SYNE1: variants seen among roughly 807,000 people sequenced by gnomAD.
The protein encoded by SYNE1 is spectrin repeat containing nuclear envelope protein 1, also known as nesprin-1.
A neutral mutation model predicts 1,111.0 loss-of-function variants in SYNE1; 616 were observed. That is an observed-to-expected ratio of 0.55 (90% CI 0.52 to 0.59). SYNE1 has a LOEUF of 0.59. SYNE1 is among the 20% of genes least tolerant of loss of function. SYNE1 has a pLI of 0.00. For missense variants in SYNE1, 10,006 were observed against 10,417.0 expected (o/e 0.96, Z 1.72); for synonymous variants, 3,855 against 3,825.8 (o/e 1.01, Z -0.28).
chr6:152,151,056 A>T (rs186605274), intron 135 of SYNE1, among the ~76,000 whole-genome samples: 13 of 152,132 alleles, frequency 8.5e-5, no homozygotes, highest in Admixed American at 7.9e-4. Context: ...TACTAAAAAA[A>T]TACAAAAATA....
At chr6:152,549,654 C>T (rs183186126) in intron 3 of SYNE1, among the ~76,000 whole-genome samples, 7 of 151,996 alleles carry the variant, frequency 4.6e-5, no homozygotes, top group Non-Finnish European at 1.0e-4. Flanking sequence ...AAGGGACAGA[C>T]GAGAAGAGAG....
rs767244179 is a variant in SYNE1 at position 152,206,182 on chromosome 6, C to G, written c.23005G>C (p.Ala7669Pro). ...ACTGAACTTACTTTCAACAAGAAGG[C>G]TAGTTTTTTCTTCTGTTCTTCCAGC... ...MRLEEQKKKL[A>P]FLLKDWEKCE... The change falls in exon 126 of 146, where the codon GCC becomes CCC. Residue 7669 changes from alanine to proline, a missense_variant. By Grantham distance (27) the Ala-to-Pro change is conservative (BLOSUM62 -1). Transcript: ENST00000367255. 6.2e-7 allele frequency: 1 copy of G among 1,613,436 alleles called. No homozygotes were observed. The highest frequency in any genetic ancestry group is 1.1e-5 in the South Asian group (1 of 91,036).
At chr6:152,553,046 T>A (rs571053578) in intron 3 of SYNE1, among the ~76,000 whole-genome samples, 1 of 152,232 alleles carries the variant, frequency 6.6e-6, no homozygotes, top group Non-Finnish European at 1.5e-5. Context: ...TTAGAATGTA[T>A]GTGGCAGGCA....
chr6:152,218,956 T>C (rs2079411463), intron 120 of SYNE1, 47 bp downstream of exon 120: 1 of 1,579,950 alleles, frequency 6.3e-7, no homozygotes, highest in Non-Finnish European at 8.7e-7. Context: ...TGCCCAGATA[T>C]TAGAGAACAG....
At position 152,628,340 on chromosome 6, in the gene SYNE1, C is replaced by A. The variant is rs779666608; in HGVS notation, c.-9G>T. 28 of 1,613,986 alleles carry A rather than the reference C, an allele frequency of 1.7e-5. No homozygotes were observed. The highest frequency in any genetic ancestry group is 1.6e-4 in the Middle Eastern group (1 of 6,084). On this transcript the variant is annotated 5_prime_UTR_variant, in exon 3 of 146. Coordinates refer to ENST00000367255, the MANE Select transcript of SYNE1 (RefSeq NM_182961.4). ...CCTCTGGAGGTTGCCATGGTCCCTC[C>A]GGAAGCACGAAGCCAACACCAAGAG...
At chr6:152,581,641 C>T (rs1369045499) in intron 3 of SYNE1, among the ~76,000 whole-genome samples, 4 of 152,186 alleles carry the variant, frequency 2.6e-5, no homozygotes, top group African/African-American at 7.2e-5. Flanking sequence ...CCTCCCTTTC[C>T]AGTTTTAGTG....
At chr6:152,122,936 C>G (rs920182168) in intron 145 of SYNE1, among the ~76,000 whole-genome samples, 1 of 152,202 alleles carries the variant, frequency 6.6e-6, no homozygotes, top group Non-Finnish European at 1.5e-5. Flanking sequence ...TCCTTTTACC[C>G]CTTAATGTGG....
At chr6:152,523,430 A>G (rs1311199395) in intron 5 of SYNE1, among the ~76,000 whole-genome samples, 1 of 152,146 alleles carries the variant, frequency 6.6e-6, no homozygotes, top group Non-Finnish European at 1.5e-5. Flanking sequence ...CTTTTATACC[A>G]GTATCATGCT....
At chr6:152,436,791 G>A (rs1247204576) in intron 32 of SYNE1, among the ~76,000 whole-genome samples, 3 of 152,056 alleles carry the variant, frequency 2.0e-5, no homozygotes, top group African/African-American at 7.2e-5. Flanking sequence ...AATAGTGATT[G>A]ATCATAGACA....
At chr6:152,444,312 C>T (rs2098557207) in intron 30 of SYNE1, 99 bp downstream of exon 30, 2 of 1,369,702 alleles carry the variant, frequency 1.5e-6, no homozygotes, top group Admixed American at 1.7e-5. Flanking sequence ...GCCCCCTCAC[C>T]CACTCTCTCA....
intron 76 of SYNE1, among the ~76,000 whole-genome samples, 167 bp from the exon 77 acceptor site, chr6:152,334,440 A>G (rs1183512763): frequency 6.6e-6 from 1 of 152,214 alleles, no homozygotes; most frequent in Non-Finnish European, 1.5e-5. Flanking sequence ...TCTAAAAATC[A>G]CCATACCTCT....
chr6:152,532,288 A>G (rs955112911), intron 4 of SYNE1, among the ~76,000 whole-genome samples: 1 of 152,194 alleles, frequency 6.6e-6, no homozygotes, highest in African/African-American at 2.4e-5. Flanking sequence ...CCTGTCTCAC[A>G]CCAGGACCAT....
Position 152,281,861 on chromosome 6 carries a change from C to G in SYNE1, c.18327G>C (p.Ala6109=). 6.2e-7 allele frequency: 1 copy of G among 1,614,166 alleles called. No homozygotes were observed. The change falls in exon 97 of 146, where the codon GCG becomes GCC. Residue 6109 remains alanine (A), a synonymous_variant. Transcript: ENST00000367255. ...CCATGGGCTCCTTGGGTGGACTCAG[C>G]GCAGTGTCCAGAGTGGCCTTGGTAC... The part of the protein sequence containing the change: ...LLSTKATLDT[A]LSPPKEPMDM...
intron 142 of SYNE1, chr6:152,134,524 T>C (rs6900329): frequency 0.6 from 92,123 of 153,276 alleles, 28,556 homozygotes; most frequent in African/African-American, 0.76. Context: ...CAAACATTAG[T>C]GAGGCGTGGT....
At position 152,555,577 on chromosome 6, in the gene SYNE1, G is replaced by A. The variant is rs184416562; in HGVS notation, c.68-15556C>T. Among the ~76,000 whole-genome samples, 1,212 of 152,146 alleles carry A rather than the reference G, an allele frequency of 8.0e-3. 7 individuals carry two copies. Among genetic ancestry groups the A allele is most frequent in the Middle Eastern group, 0.02 (6 of 294 alleles). On this transcript the variant is annotated intron_variant, in intron 3 of 145. Coordinates refer to ENST00000367255, the MANE Select transcript of SYNE1 (RefSeq NM_182961.4). ...ACATTTCTCAGAATGTATCTTCATT[G>A]TTAAGCAATACCTGATTGCATTTTA...
At position 152,154,906 on chromosome 6, in the gene SYNE1, G is replaced by C. The variant is rs368392483; in HGVS notation, c.24115C>G (p.Leu8039Val). The C allele has an allele frequency of 6.2e-7, 1 of 1,614,098 alleles. No individual in the cohort carries two copies. Among genetic ancestry groups the C allele is most frequent in the Non-Finnish European group, 8.5e-7 (1 of 1,180,002 alleles). Residue 8039 changes from leucine to valine, a missense_variant, in exon 133 of 146, where the codon CTA (leucine) becomes GTA (valine). Transcript: ENST00000367255. ...TTATAGATTACCTCAAATTTCTTTA[G>C]TTCTTCCTTGGCAACTGTATAGATC... ...GVIYTVAKEE[L>V]KKFEAFQRQV...
chr6:152,284,240 T>G, intron 95 of SYNE1, 68 bp from the exon 96 acceptor site: 1 of 1,509,514 alleles, frequency 6.6e-7, no homozygotes, highest in Non-Finnish European at 9.1e-7. Flanking sequence ...TAGCACTAGC[T>G]GAGTCTCACA....
At position 152,331,270 on chromosome 6, in the gene SYNE1, T is replaced by C; in HGVS notation, c.13415A>G (p.His4472Arg). 2 of 1,614,162 alleles carry C rather than the reference T, an allele frequency of 1.2e-6. No homozygotes were observed. Among genetic ancestry groups the C allele is most frequent in the Non-Finnish European group, 1.7e-6 (2 of 1,180,030 alleles). The stretch of plus-strand genomic sequence containing the variant: ...TTCACGGAACATTATCTTTCGCTCA[T>C]GTTGCTGAATTTGGCTGGTGGCCTG... ...VFQATSQIQQHERKIMFREHI... is the reference protein window; with the variant it reads ...VFQATSQIQQRERKIMFREHI... The change falls in exon 78 of 146, where the codon CAT becomes CGT. Residue 4472 changes from histidine to arginine, a missense_variant. This residue lies in a region of SYNE1 where 4,955 missense variants were observed against 5,017.2 expected (regional missense o/e 0.99). Transcript: ENST00000367255.
rs1554520414 is a variant in SYNE1 at position 152,353,419 on chromosome 6, G to A, written c.11097C>T (p.Phe3699=). ...LLLQVLEQIK[F]LEEEIQSLEE... Reference sequence around the variant, plus strand: ...CCAAACTCTGAATCTCCTCCTCCAGGAATTTTATTTGTTCCTATGAAAGAA... The same window carrying A: ...CCAAACTCTGAATCTCCTCCTCCAGAAATTTTATTTGTTCCTATGAAAGAA... Residue 3699 remains phenylalanine, a synonymous_variant, in exon 69 of 146, where the codon TTC becomes TTT. Coordinates refer to ENST00000367255, the MANE Select transcript of SYNE1 (RefSeq NM_182961.4). 8.1e-6 allele frequency: 13 copies of A among 1,614,176 alleles called. No homozygotes were observed. The highest frequency in any genetic ancestry group is 1.1e-5 in the Non-Finnish European group (13 of 1,180,046).
Sources: allele counts gnomAD v4.1 joint callset (sites outside exome capture counted in the v4.1 genomes callset), GRCh38; gene constraint gnomAD v4.1.1; regional missense constraint gnomAD v4.1.1; transcripts MANE v1.5; gene names NCBI Gene and HGNC (gene_info 2026-07-23, HGNC 2026-07-21).